SLC1A6: variants seen among roughly 807,000 people sequenced by gnomAD.
SLC1A6 encodes the protein excitatory amino acid transporter 4.
A neutral mutation model predicts 42.1 loss-of-function variants in SLC1A6; 15 were observed. The observed-to-expected ratio is 0.36, with a 90% CI of 0.24 to 0.55. The LOEUF (loss-of-function observed/expected upper bound fraction) is 0.55, where lower values mean the gene tolerates loss of function less well. Ranked by LOEUF, SLC1A6 falls within the 20% of genes least tolerant of loss-of-function variation. The pLI is 0.88. For missense variants in SLC1A6, 542 were observed against 772.5 expected, an observed-to-expected ratio of 0.70 and a Z score of 3.54; for synonymous variants, 317 against 319.7, an observed-to-expected ratio of 0.99 and a Z score of 0.09.
chr19:14,984,176 G>A (rs1254912284), upstream of SLC1A6, among the ~76,000 whole-genome samples: 1 of 152,138 alleles, frequency 6.6e-6, no homozygotes, highest in East Asian at 1.9e-4. Context: ...AGGTATGGTG[G>A]CGCTTGCCTG....
chr19:14,962,264 G>C lies in SLC1A6; in HGVS notation c.673C>G (p.Pro225Ala), dbSNP rs375792515. Residue 225 changes from proline to alanine, a missense_variant, in exon 6 of 10, where the codon CCT (proline) becomes GCT (alanine). Physicochemically the swap from Pro to Ala is conservative, Grantham distance 27. Around this residue, in one of 6 missense-constraint regions of SLC1A6, gnomAD observed 298 missense variants for 419.4 expected, o/e 0.71. Coordinates refer to ENST00000594383, the MANE Select transcript of SLC1A6 (RefSeq NM_005071.3). ...ENGSEPGASM[P>A]PPFSVENGTS... ...CCGTTCTCCACTGAGAATGGAGGAG[G>C]CATGGAGGCACCCGGCTCAGACCCG... The C allele has an allele frequency of 2.5e-6, 4 of 1,614,114 alleles. No individual in the cohort carries two copies. The highest frequency in any genetic ancestry group is 3.4e-6 in the Non-Finnish European group (4 of 1,179,978).
intron 1 of SLC1A6, among the ~76,000 whole-genome samples, chr19:14,998,855 CATTTATTTATTT>C (rs56926151): frequency 0.12 from 15,722 of 128,174 alleles, 946 homozygotes; most frequent in East Asian, 0.21. Context: ...TGATAAGAAA[CATTTATTTATTT>C]ATTTATTTAT....
intron 5 of SLC1A6, among the ~76,000 whole-genome samples, chr19:14,963,794 C>T (rs894037222): frequency 4.6e-5 from 7 of 151,326 alleles, no homozygotes; most frequent in African/African-American, 1.5e-4. Flanking sequence ...GTTGCCTCCT[C>T]TAGCCCTGTG....
chr19:14,971,173 T>C (rs1041795084), intron 3 of SLC1A6, among the ~76,000 whole-genome samples: 7 of 152,200 alleles, frequency 4.6e-5, no homozygotes, highest in Non-Finnish European at 7.3e-5. Context: ...TTTTACTGTG[T>C]GGGGGTTGGT....
At chr19:15,003,405 C>T (rs986920495) in intron 1 of SLC1A6, among the ~76,000 whole-genome samples, 1 of 152,154 alleles carries the variant, frequency 6.6e-6, no homozygotes, top group Admixed American at 6.5e-5. Context: ...ACCTCCTCTC[C>T]CAGCCTGGGG....
chr19:14,953,665 G>A (rs1292111374), intron 8 of SLC1A6, among the ~76,000 whole-genome samples: 2 of 152,128 alleles, frequency 1.3e-5, no homozygotes. Flanking sequence ...AGCAAGACCC[G>A]ATATGCCATT....
chr19:14,958,549 G>GT (rs1242788605), intron 6 of SLC1A6, among the ~76,000 whole-genome samples: 23 of 152,134 alleles, frequency 1.5e-4, no homozygotes, highest in African/African-American at 5.3e-4. Flanking sequence ...AGTCACATCT[G>GT]TGTTCTCCAA....
chr19:14,995,787 TA>T (rs2045843239), intron 1 of SLC1A6, among the ~76,000 whole-genome samples: 1 of 152,124 alleles, frequency 6.6e-6, no homozygotes, highest in South Asian at 2.1e-4. Context: ...AATTTGACAT[TA>T]AAAAAGTAAA....
intron 6 of SLC1A6, among the ~76,000 whole-genome samples, chr19:14,960,551 A>G (rs62116197): frequency 0.13 from 19,799 of 152,272 alleles, 1,641 homozygotes; most frequent in African/African-American, 0.24. Flanking sequence ...AAATCACTGC[A>G]GAAAGGTATG....
chr19:14,987,479 ATTTT>A (rs375243710), intron 1 of SLC1A6, among the ~76,000 whole-genome samples: 2 of 151,112 alleles, frequency 1.3e-5, no homozygotes, highest in African/African-American at 4.9e-5. Flanking sequence ...GAAAAAAAAA[ATTTT>A]TTTTAATTAA....
chr19:14,999,173 C>A (rs112313737), intron 1 of SLC1A6, among the ~76,000 whole-genome samples: 3 of 152,064 alleles, frequency 2.0e-5, no homozygotes, highest in Non-Finnish European at 4.4e-5. Flanking sequence ...CCACCATGCC[C>A]GGCCAAGAAA....
chr19:15,010,264 T>C (rs993000467), intron 1 of SLC1A6, among the ~76,000 whole-genome samples: 3 of 148,042 alleles, frequency 2.0e-5, no homozygotes, highest in Admixed American at 1.3e-4. Flanking sequence ...CTAAAAAAGC[T>C]ACTTTTGGGT....
intron 1 of SLC1A6, among the ~76,000 whole-genome samples, chr19:14,987,207 AC>A (rs1447129802): frequency 2.0e-5 from 3 of 151,980 alleles, no homozygotes; most frequent in African/African-American, 7.3e-5. Flanking sequence ...GGTGGCTCAC[AC>A]CTGTAATCCC....
chr19:14,952,818 T>G lies in SLC1A6; in HGVS notation c.1499+110A>C, dbSNP rs1051480487. ...AGGCCTCCTTTTCACTTGAAAATTC[T>G]GGACCACTGCATCTTTGCTGGAATA... On this transcript the variant is annotated intron_variant, in intron 9 of 9. Coordinates refer to ENST00000594383, the MANE Select transcript of SLC1A6 (RefSeq NM_005071.3). 12 of 1,369,902 alleles carry G rather than the reference T, an allele frequency of 8.8e-6. No homozygotes were observed. In the Admixed American group the frequency reaches 2.5e-4, roughly 28 times the overall value. The allele number at this position is 1,369,902 out of a possible 1,614,324, so 84.9% of individuals were successfully genotyped here.
At chr19:14,967,881 G>C (rs2045591896) in intron 4 of SLC1A6, among the ~76,000 whole-genome samples, 1 of 152,118 alleles carries the variant, frequency 6.6e-6, no homozygotes, top group Non-Finnish European at 1.5e-5. Context: ...ACTGACCATG[G>C]GCTGGTTCTG....
chr19:14,950,769 C>T (rs886810970), intron 9 of SLC1A6, among the ~76,000 whole-genome samples: 7 of 151,756 alleles, frequency 4.6e-5, no homozygotes, highest in Non-Finnish European at 8.8e-5. Flanking sequence ...AGCAAGACCC[C>T]GTCTCTACAT....
At chr19:14,983,032 T>G (rs143558503), upstream of SLC1A6, among the ~76,000 whole-genome samples, 260 of 152,344 alleles carry the variant, frequency 1.7e-3, no homozygotes, top group Non-Finnish European at 3.3e-3. Flanking sequence ...ACAGTTGATT[T>G]TCATTATTCA....
intron 2 of SLC1A6, among the ~76,000 whole-genome samples, chr19:14,972,460 ATG>A (rs2045652218): frequency 6.6e-6 from 1 of 152,248 alleles, no homozygotes; most frequent in African/African-American, 2.4e-5. Flanking sequence ...ATATGTATAT[ATG>A]TGAGTGTGTG....
At chr19:14,983,558 C>T (rs1232698297), upstream of SLC1A6, among the ~76,000 whole-genome samples, 1 of 151,590 alleles carries the variant, frequency 6.6e-6, no homozygotes, top group Non-Finnish European at 1.5e-5. Context: ...GTATGGGGGG[C>T]GTGCCTGTGG....
Sources: gnomAD v4.1 joint callset for allele counts (sites outside exome capture counted in the v4.1 genomes callset) on GRCh38, gnomAD v4.1.1 for gene constraint, gnomAD v4.1.1 regional missense constraint, MANE v1.5 for transcripts, NCBI Gene and HGNC (gene_info 2026-07-23, HGNC 2026-07-21) for gene names.